Variants in FOXP1 observed in about 807,000 individuals in gnomAD.
The protein encoded by FOXP1 is forkhead box protein P1.
Under a neutral mutation model 98.2 loss-of-function variants are expected in FOXP1, and 15 were observed. The ratio of observed to expected loss-of-function variants is 0.15; its 90% CI spans 0.10 to 0.24. FOXP1 has a LOEUF of 0.24. Among genes scored for constraint, FOXP1 ranks in the 10% least tolerant of loss-of-function variants. The pLI, the probability that FOXP1 is intolerant of heterozygous loss-of-function variation, is 1.00. For synonymous variants in FOXP1, 371 were observed against 314.5 expected (o/e 1.18, Z -1.90); for missense variants, 633 against 848.5 (o/e 0.75, Z 3.15).
intron 14 of FOXP1, among the ~76,000 whole-genome samples, chr3:70,984,854 T>TC (rs1229627335): frequency 1.3e-5 from 2 of 152,162 alleles, no homozygotes; most frequent in African/African-American, 4.8e-5. Context: ...GATGAGCGTA[T>TC]CCTCTAACTA....
At chr3:71,191,349 C>A (rs577496295) in intron 6 of FOXP1, among the ~76,000 whole-genome samples, 2 of 152,116 alleles carry the variant, frequency 1.3e-5, no homozygotes, top group Non-Finnish European at 2.9e-5. Context: ...AGAGATAGGG[C>A]GTTCTTTTTT....
intron 7 of FOXP1, among the ~76,000 whole-genome samples, chr3:71,102,018 G>A (rs2057008251): frequency 6.6e-6 from 1 of 152,136 alleles, no homozygotes; most frequent in Admixed American, 6.5e-5. Flanking sequence ...ATAGAAGGCA[G>A]CAACCCCAGA....
intron 5 of FOXP1, among the ~76,000 whole-genome samples, chr3:71,248,934 C>T (rs1299110216): frequency 6.6e-6 from 1 of 152,102 alleles, no homozygotes; most frequent in East Asian, 1.9e-4. Flanking sequence ...ACAAAAAAGC[C>T]AGTGGGAAGG....
At chr3:71,495,919 A>T (rs2091374960) in intron 2 of FOXP1, among the ~76,000 whole-genome samples, 1 of 152,218 alleles carries the variant, frequency 6.6e-6, no homozygotes, top group Admixed American at 6.5e-5. Context: ...GTGTAAGGTA[A>T]CAGGGAGAGG....
intron 2 of FOXP1, among the ~76,000 whole-genome samples, chr3:71,505,408 A>C (rs1384944540): frequency 7.3e-6 from 1 of 137,502 alleles, no homozygotes; most frequent in Admixed American, 7.4e-5. Context: ...ACTGTAGAAG[A>C]GGGATGCTTT....
chr3:71,318,420 G>A (rs376886743), intron 4 of FOXP1, among the ~76,000 whole-genome samples: 1 of 152,098 alleles, frequency 6.6e-6, no homozygotes, highest in Non-Finnish European at 1.5e-5. Context: ...TACTTTGGTG[G>A]ACCTTGCAGG....
At chr3:71,321,669 C>A (rs368445890) in intron 4 of FOXP1, among the ~76,000 whole-genome samples, 1 of 151,538 alleles carries the variant, frequency 6.6e-6, no homozygotes, top group Non-Finnish European at 1.5e-5. Flanking sequence ...TTGCCCAGGC[C>A]GGAGTGCAGT....
intron 5 of FOXP1, among the ~76,000 whole-genome samples, chr3:71,299,323 A>G (rs2073638533): frequency 6.6e-6 from 1 of 152,180 alleles, no homozygotes; most frequent in African/African-American, 2.4e-5. Flanking sequence ...TATGCCCCAC[A>G]CTGCTCAGCA....
chr3:71,000,597 C>T (rs951605925), intron 13 of FOXP1, among the ~76,000 whole-genome samples: 28 of 151,558 alleles, frequency 1.8e-4, no homozygotes, highest in African/African-American at 5.6e-4. Context: ...ATATGAGCAA[C>T]GTCGAGGACT....
intron 14 of FOXP1, among the ~76,000 whole-genome samples, chr3:70,982,206 G>A (rs2038988290): frequency 6.6e-6 from 1 of 152,200 alleles, no homozygotes; most frequent in African/African-American, 2.4e-5. Flanking sequence ...GAACAGAAGA[G>A]CAAATGGGGA....
At chr3:71,404,120 C>CCTT (rs2082135344) in intron 3 of FOXP1, among the ~76,000 whole-genome samples, 1 of 62,702 alleles carries the variant, frequency 1.6e-5, no homozygotes, top group Admixed American at 2.6e-4. Context: ...TTTTCTTTTT[C>CCTT]TTTTTTTTTT....
At chr3:71,184,421 G>C (rs1360842133) in intron 6 of FOXP1, among the ~76,000 whole-genome samples, 1 of 152,160 alleles carries the variant, frequency 6.6e-6, no homozygotes, top group Non-Finnish European at 1.5e-5. Context: ...TGGTTTATAG[G>C]GTTCTGTAGT....
At chr3:71,070,719 G>C (rs1442346953) in intron 7 of FOXP1, among the ~76,000 whole-genome samples, 3 of 152,156 alleles carry the variant, frequency 2.0e-5, no homozygotes, top group Non-Finnish European at 4.4e-5. Flanking sequence ...GTAAATTTCT[G>C]CAGCAGCGTG....
chr3:71,116,343 C>CG (rs1416270121), intron 6 of FOXP1, among the ~76,000 whole-genome samples: 3 of 151,930 alleles, frequency 2.0e-5, no homozygotes, highest in East Asian at 3.9e-4. Context: ...GATACAAGCA[C>CG]GGGGGGAAAA....
At chr3:71,130,536 T>A (rs770368281) in intron 6 of FOXP1, 1 of 1,598,482 alleles carries the variant, frequency 6.3e-7, no homozygotes, top group Non-Finnish European at 8.5e-7. Flanking sequence ...GCCCGTACTG[T>A]CTGCCTTTGG....
chr3:71,514,900 G>A (rs1445787268), intron 2 of FOXP1, among the ~76,000 whole-genome samples: 1 of 152,070 alleles, frequency 6.6e-6, no homozygotes, highest in Non-Finnish European at 1.5e-5. Flanking sequence ...TCACTAACAA[G>A]ATACCCAGCC....
At chr3:71,145,657 C>A (rs2060274943) in intron 6 of FOXP1, among the ~76,000 whole-genome samples, 1 of 152,206 alleles carries the variant, frequency 6.6e-6, no homozygotes, top group Non-Finnish European at 1.5e-5. Flanking sequence ...CACATCTTCA[C>A]CCTCACTTAG....
chr3:71,307,522 C>T (rs987187452), intron 4 of FOXP1, among the ~76,000 whole-genome samples: 16 of 152,210 alleles, frequency 1.1e-4, no homozygotes, highest in African/African-American at 3.9e-4. Flanking sequence ...GGGGTGCCCA[C>T]AGAAACTGAA....
At chr3:71,542,229 T>C (rs1274829410) in intron 2 of FOXP1, 3 of 366,708 alleles carry the variant, frequency 8.2e-6, no homozygotes, top group African/African-American at 6.5e-5. Flanking sequence ...AGGAATATTT[T>C]CATTGGTTAA....
Sources: allele counts gnomAD v4.1 joint callset (sites outside exome capture counted in the v4.1 genomes callset), GRCh38; gene constraint gnomAD v4.1.1; transcripts MANE v1.5; gene names NCBI Gene and HGNC (gene_info 2026-07-23, HGNC 2026-07-21).